Variants in CLN8 observed in about 807,000 individuals in gnomAD.
CLN8 encodes the protein protein CLN8.
CLN8 carries 14 observed loss-of-function variants against 15.7 expected under a neutral mutation model. The ratio of observed to expected loss-of-function variants is 0.89; its 90% CI spans 0.59 to 1.39. The LOEUF (loss-of-function observed/expected upper bound fraction) is 1.39, where lower values mean the gene tolerates loss of function less well. Among genes scored for constraint, CLN8 ranks in the 40% most tolerant of loss-of-function variants. The pLI is 0.00. For synonymous variants in CLN8, 188 were observed against 151.0 expected (o/e 1.25, Z -1.80); for missense variants, 415 against 364.0 (o/e 1.14, Z -1.14).
chr8:1,780,198 T>G (rs368075931), intron 2 of CLN8, 52 bp from the exon 3 acceptor site: 1 of 1,614,026 alleles, frequency 6.2e-7, no homozygotes, highest in African/African-American at 1.3e-5. Flanking sequence ...ATGTGAAGAA[T>G]GAATTTTGGC....
rs143910506 is a variant in CLN8 at position 1,777,345 on chromosome 8, A to G, written c.544-2905A>G. ...TGGAAGCTGCTCTGCGAGAGTCACA[A>G]TGAGTGGTGAGTGTGAGGGCCTAGA... On this transcript the variant is annotated intron_variant, in intron 2 of 2. Transcript: ENST00000331222. Among the ~76,000 whole-genome samples the G allele has an allele frequency of 8.0e-4, 122 of 152,296 alleles. 4 individuals carry two copies. The highest frequency in any genetic ancestry group is 1.2e-3 in the South Asian group (6 of 4,830).
At position 1,771,341 on chromosome 8, in the gene CLN8, C is replaced by T. The variant is rs775400768; in HGVS notation, c.287C>T (p.Ala96Val). The stretch of plus-strand genomic sequence containing the variant: ...GACCCTGTGCTGCATGCCGACAAGG[C>T]GCGTGGCCAGCAGAACTGGTGCTGG... Reference protein sequence around the residue: ...LGDPVLHADKARGQQNWCWFH... With the variant: ...LGDPVLHADKVRGQQNWCWFH... Residue 96 changes from alanine (A) to valine (V), a missense_variant, in exon 2 of 3, where the codon GCG (alanine) becomes GTG (valine). By Grantham distance (64) the Ala-to-Val change is moderately conservative. Transcript: ENST00000331222. The T allele has an allele frequency of 2.7e-5, 44 of 1,614,080 alleles. No individual in the cohort carries two copies. The highest frequency in any genetic ancestry group is 6.7e-5 in the African/African-American group (5 of 74,922).
upstream of CLN8, chr8:1,759,996 C>T (rs554839030): frequency 1.3e-5 from 2 of 152,166 alleles, no homozygotes; most frequent in South Asian, 4.1e-4. Context: ...TGTAATGGAA[C>T]AACCAAACCT....
upstream of CLN8, among the ~76,000 whole-genome samples, chr8:1,753,360 C>T (rs1800596127): frequency 6.6e-6 from 1 of 151,992 alleles, no homozygotes; most frequent in Non-Finnish European, 1.5e-5. Context: ...CACCTGAGAT[C>T]AGGAGTTCGA....
At chr8:1,757,083 G>C (rs962533223) in intron 1 of CLN8, among the ~76,000 whole-genome samples, 1 of 152,154 alleles carries the variant, frequency 6.6e-6, no homozygotes, top group African/African-American at 2.4e-5. Flanking sequence ...GGCCTATTTG[G>C]GGCAGCGGAA....
upstream of CLN8, among the ~76,000 whole-genome samples, chr8:1,754,721 C>G (rs1800627501): frequency 6.6e-6 from 1 of 152,222 alleles, no homozygotes; most frequent in Non-Finnish European, 1.5e-5. Flanking sequence ...AAGTGGAGAG[C>G]AGGGACTATG....
At chr8:1,756,933 T>G (rs1800685216) in intron 1 of CLN8, among the ~76,000 whole-genome samples, 1 of 152,124 alleles carries the variant, frequency 6.6e-6, no homozygotes, top group Non-Finnish European at 1.5e-5. Flanking sequence ...CCCACCCACC[T>G]CGGCATCCCA....
At chr8:1,767,148 C>T (rs907051050) in intron 1 of CLN8, among the ~76,000 whole-genome samples, 12 of 152,198 alleles carry the variant, frequency 7.9e-5, no homozygotes, top group African/African-American at 2.9e-4. Context: ...CTGGAGGATG[C>T]TGGTTGGCAT....
In CLN8 at chr8:1,780,714, T is replaced by A; in HGVS notation, c.*147T>A. On this transcript the variant is annotated 3_prime_UTR_variant, in exon 3 of 3. Coordinates refer to ENST00000331222, the MANE Select transcript of CLN8 (RefSeq NM_018941.4). ...TACTAACTTTCTTTCGCATTAGTAT[T>A]AATTTTGAAGTAGCTACAAAGTATT... is the stretch of plus-strand genomic sequence containing the variant. 1.4e-6 allele frequency: 1 copy of A among 727,192 alleles called. No homozygotes were observed. The highest frequency in any genetic ancestry group is 2.2e-6 in the Non-Finnish European group (1 of 448,924). 45.0% of individuals were successfully genotyped at this position (727,192 alleles called of 1,614,324 possible).
upstream of CLN8, chr8:1,758,772 C>T (rs187799417): frequency 6.6e-6 from 1 of 152,066 alleles, no homozygotes; most frequent in African/African-American, 2.4e-5. Context: ...ATTGTAGAGA[C>T]CTGGAATGAA....
In CLN8 at chr8:1,782,265, C is replaced by T. The variant is rs938217427; in HGVS notation, c.*1698C>T. On this transcript the variant is annotated 3_prime_UTR_variant, in exon 3 of 3. Coordinates refer to ENST00000331222, the MANE Select transcript of CLN8 (RefSeq NM_018941.4). ...GTTCCAGGGATTCTCCTGCCTCACC[C>T]TTTCAAGTAGCTGGGATTACAGGTA... The T allele has an allele frequency of 1.3e-5, 2 of 152,106 alleles. No homozygotes were observed. The highest frequency in any genetic ancestry group is 6.6e-5 in the Admixed American group (1 of 15,252). 9.4% of individuals were successfully genotyped at this position (152,106 alleles called of 1,614,324 possible).
At chr8:1,760,215 C>G (rs987205862), upstream of CLN8, 1 of 152,176 alleles carries the variant, frequency 6.6e-6, no homozygotes, top group Admixed American at 6.5e-5. Flanking sequence ...ATAATGGTGC[C>G]TGCGTCAGAC....
rs548995371 is a variant in CLN8, at chr8:1,781,437, A to C, written c.*870A>C. The C allele has an allele frequency of 6.6e-4, 100 of 152,096 alleles. No homozygotes were observed. Among genetic ancestry groups the C allele is most frequent in the African/African-American group, 2.0e-3 (85 of 41,474 alleles). 9.4% of individuals were successfully genotyped at this position (152,096 alleles called of 1,614,324 possible). On this transcript the variant is annotated 3_prime_UTR_variant, in exon 3 of 3. Transcript: ENST00000331222. Reference sequence around the variant, plus strand: ...CCATCTGGTGGCAAGTGGTACAAAGACAACGCTGAGGGGTAGTGACTCCTG... The same window carrying C: ...CCATCTGGTGGCAAGTGGTACAAAGCCAACGCTGAGGGGTAGTGACTCCTG...
At chr8:1,771,717 A>C (rs1801315233) in intron 2 of CLN8, 120 bp downstream of exon 2, 1 of 879,368 alleles carries the variant, frequency 1.1e-6, no homozygotes, top group Non-Finnish European at 1.8e-6. Flanking sequence ...ACATTCAGTT[A>C]CAAACTCATT....
In CLN8 at chr8:1,767,385, T is replaced by C. The variant is rs149316074; in HGVS notation, c.-124+3500T>C. Among the ~76,000 whole-genome samples, 221 of 152,278 alleles carry C rather than the reference T, an allele frequency of 1.5e-3. 1 individual carries two copies. The highest frequency in any genetic ancestry group is 5.2e-3 in the African/African-American group (215 of 41,542). ...CACTCAGCTGTGGCTTACCTGTTTC[T>C]GTTTCCATGTCTTTCACCTATCTGC... On this transcript the variant is annotated intron_variant, in intron 1 of 2. Transcript: ENST00000331222.
chr8:1,780,528 A>C lies in CLN8; in HGVS notation c.822A>C (p.Pro274=). The C allele has an allele frequency of 6.2e-7, 1 of 1,614,256 alleles. No homozygotes were observed. The highest frequency in any genetic ancestry group is 8.5e-7 in the Non-Finnish European group (1 of 1,180,034). The change falls in exon 3 of 3, where the codon CCA becomes CCC. Residue 274 remains proline (P), a synonymous_variant. Coordinates refer to ENST00000331222, the MANE Select transcript of CLN8 (RefSeq NM_018941.4). Reference sequence around the variant, plus strand: ...CACAGCCAGAAGCCAAGAGCAGGCCAGAAGGCAACGGGCAGCTGCTGCGGA... The same window carrying C: ...CACAGCCAGAAGCCAAGAGCAGGCCCGAAGGCAACGGGCAGCTGCTGCGGA... ...NFAQPEAKSR[P]EGNGQLLRKK... is the part of the protein sequence containing the mutation.
chr8:1,785,343 G>A lies in CLN8; in HGVS notation c.*4776G>A, dbSNP rs1160480197. On this transcript the variant is annotated 3_prime_UTR_variant, in exon 3 of 3. Coordinates refer to ENST00000331222, the MANE Select transcript of CLN8 (RefSeq NM_018941.4). Reference sequence around the variant, plus strand: ...GTTAGACAGGTACCGGTCAGATTACGGTGGCACAGGCGGCGTGGGGTTAGA... The same window carrying A: ...GTTAGACAGGTACCGGTCAGATTACAGTGGCACAGGCGGCGTGGGGTTAGA... 1 of 156,836 alleles carries A rather than the reference G, an allele frequency of 6.4e-6. No homozygotes were observed. Among genetic ancestry groups the A allele is most frequent in the Non-Finnish European group, 1.4e-5 (1 of 72,236 alleles). The allele number at this position is 156,836 out of a possible 1,614,324, so 9.7% of individuals were successfully genotyped here.
chr8:1,772,825 C>T, intron 2 of CLN8: 1 of 395,860 alleles, frequency 2.5e-6, no homozygotes, highest in Non-Finnish European at 4.5e-6. Context: ...TATGACCCAT[C>T]ACATTGTTTA....
chr8:1,761,895 G>A (rs1217986059), upstream of CLN8: 15 of 152,234 alleles, frequency 9.9e-5, no homozygotes, highest in Admixed American at 9.8e-4. Context: ...AATTTAGGGA[G>A]GGTCAGAATC....
Sources: gnomAD v4.1 joint callset for allele counts (sites outside exome capture counted in the v4.1 genomes callset) on GRCh38, gnomAD v4.1.1 for gene constraint, MANE v1.5 for transcripts, NCBI Gene and HGNC (gene_info 2026-07-23, HGNC 2026-07-21) for gene names.